Variants in MYO5A observed in about 807,000 individuals in gnomAD.
The protein encoded by MYO5A is unconventional myosin-Va.
A neutral mutation model predicts 249.7 loss-of-function variants in MYO5A; 98 were observed. The observed-to-expected ratio is 0.39, with a 90% CI of 0.33 to 0.46. The LOEUF (loss-of-function observed/expected upper bound fraction) is 0.46. MYO5A is among the 20% of genes least tolerant of loss of function. The pLI, the probability that MYO5A is intolerant of heterozygous loss-of-function variation, is 0.98. For missense variants in MYO5A, 1,696 were observed against 2,308.8 expected, an observed-to-expected ratio of 0.73 and a Z score of 5.44; for synonymous variants, 778 against 810.6, an observed-to-expected ratio of 0.96 and a Z score of 0.68.
chr15:52,524,616 T>C lies in MYO5A; in HGVS notation c.27+4164A>G, dbSNP rs531029444. Among the ~76,000 whole-genome samples the C allele has an allele frequency of 4.0e-5, 6 of 151,846 alleles. No individual in the cohort carries two copies. In the South Asian group the frequency reaches 1.2e-3, roughly 32 times the overall value. On this transcript the variant is annotated intron_variant, in intron 1 of 41. Coordinates refer to ENST00000399233, the MANE Select transcript of MYO5A (RefSeq NM_001382347.1). ...AAAATAGGCTGGGTGTGGTGGCTCATGCCTGTAATCCCACACTATGGGAGG... is the reference window on the plus strand; with the variant it reads ...AAAATAGGCTGGGTGTGGTGGCTCACGCCTGTAATCCCACACTATGGGAGG...
intron 1 of MYO5A, among the ~76,000 whole-genome samples, chr15:52,489,750 G>A (rs925757892): frequency 1.3e-5 from 2 of 152,156 alleles, no homozygotes; most frequent in Non-Finnish European, 2.9e-5. Context: ...CAGCACTTTG[G>A]GAGGCCAAGG....
Position 52,391,630 on chromosome 15 carries a change from C to A in MYO5A, c.1542+300G>T, listed in dbSNP as rs543914312. Among the ~76,000 whole-genome samples, 5 of 152,264 alleles carry A rather than the reference C, an allele frequency of 3.3e-5. No individual in the cohort carries two copies. In the South Asian group the frequency reaches 1.0e-3, roughly 32 times the overall value. On this transcript the variant is annotated intron_variant, in intron 12 of 41. Coordinates refer to ENST00000399233, the MANE Select transcript of MYO5A (RefSeq NM_001382347.1). Reference sequence around the variant, plus strand: ...ACAGTTTCTTGCATTTCTTTAAATTCTATCGCTGACCAAAAAGTACTAAAC... The same window carrying A: ...ACAGTTTCTTGCATTTCTTTAAATTATATCGCTGACCAAAAAGTACTAAAC...
intron 1 of MYO5A, chr15:52,505,812 G>A (rs996836075): frequency 1.4e-5 from 22 of 1,593,870 alleles, no homozygotes; most frequent in African/African-American, 1.1e-4. Flanking sequence ...AGATCACTGC[G>A]TTTGAGGACT....
At chr15:52,454,238 T>C (rs2076075400) in intron 1 of MYO5A, among the ~76,000 whole-genome samples, 1 of 152,086 alleles carries the variant, frequency 6.6e-6, no homozygotes, top group African/African-American at 2.4e-5. Flanking sequence ...TAAAATAGAC[T>C]ACAAGTCAAA....
At position 52,447,789 on chromosome 15, in the gene MYO5A, C is replaced by T. The variant is rs559404179; in HGVS notation, c.28-14504G>A. On this transcript the variant is annotated intron_variant, in intron 1 of 41. Coordinates refer to ENST00000399233, the MANE Select transcript of MYO5A (RefSeq NM_001382347.1). ...TAGGAAAGAGACTGATGGCATTGTG[C>T]CCTTGCTCTAGGGATCTGTGGAACT... is the stretch of plus-strand genomic sequence containing the variant. Among the ~76,000 whole-genome samples, 60 of 152,280 alleles carry T rather than the reference C, an allele frequency of 3.9e-4. 1 individual carries two copies. The South Asian group carries it at 0.012, about 30-fold the overall frequency.
intron 30 of MYO5A, among the ~76,000 whole-genome samples, chr15:52,345,931 T>C (rs1354587253): frequency 6.6e-6 from 1 of 152,202 alleles, no homozygotes; most frequent in Non-Finnish European, 1.5e-5. Context: ...TGGCCAACAC[T>C]GAGTGATTCC....
At chr15:52,323,077 C>T (rs995040885) in intron 37 of MYO5A, among the ~76,000 whole-genome samples, 6 of 152,164 alleles carry the variant, frequency 3.9e-5, no homozygotes, top group Non-Finnish European at 7.3e-5. Context: ...GAAATGCCCA[C>T]TAAAACATAC....
rs2037749296 is a variant in MYO5A at position 52,310,770 on chromosome 15, G to C, written c.*2926C>G. 6.6e-6 allele frequency: 1 copy of C among 152,454 alleles called. No homozygotes were observed. Among genetic ancestry groups the C allele is most frequent in the Admixed American group, 6.5e-5 (1 of 15,280 alleles). 9.4% of individuals were successfully genotyped at this position (152,454 alleles called of 1,614,324 possible). A position where few individuals can be genotyped will look rare whatever the true frequency, so the allele number is the denominator to read the frequency against. ...TGGGTGAGAAAGTGTGGCTGACAGA[G>C]AGAAAGAACCTCAGAGGGAAAGCAA... On this transcript the variant is annotated 3_prime_UTR_variant, in exon 42 of 42. Transcript: ENST00000399233.
At chr15:52,508,840 C>T (rs2077329611) in intron 1 of MYO5A, among the ~76,000 whole-genome samples, 1 of 152,096 alleles carries the variant, frequency 6.6e-6, no homozygotes, top group African/African-American at 2.4e-5. Context: ...AAGATCCTTG[C>T]ATATTTTCAA....
chr15:52,392,822 A>G (rs534390060), intron 11 of MYO5A, among the ~76,000 whole-genome samples: 1 of 152,384 alleles, frequency 6.6e-6, no homozygotes, highest in East Asian at 1.9e-4. Context: ...GACAAGTGGA[A>G]GAAGCGGACA....
intron 32 of MYO5A, among the ~76,000 whole-genome samples, chr15:52,338,473 T>C (rs1274228851): frequency 6.6e-6 from 1 of 152,138 alleles, no homozygotes; most frequent in Non-Finnish European, 1.5e-5. Flanking sequence ...TCAAGAGCAC[T>C]AAGCCCAGGT....
At chr15:52,444,787 ACTAT>A (rs1177186107) in intron 1 of MYO5A, among the ~76,000 whole-genome samples, 5 of 152,198 alleles carry the variant, frequency 3.3e-5, no homozygotes, top group South Asian at 2.1e-4. Context: ...TCCCACATAG[ACTAT>A]CTATCACCCT....
intron 5 of MYO5A, among the ~76,000 whole-genome samples, chr15:52,413,147 CAA>C (rs767059579): frequency 4.1e-4 from 27 of 66,146 alleles, no homozygotes; most frequent in African/African-American, 7.7e-4. Flanking sequence ...AACTCTGTCT[CAA>C]AAAAAAAAAA....
chr15:52,422,120 G>A (rs185728958), intron 4 of MYO5A, among the ~76,000 whole-genome samples: 2 of 152,296 alleles, frequency 1.3e-5, no homozygotes, highest in African/African-American at 4.8e-5. Context: ...AGGCATGGCA[G>A]TCCACTGAGT....
At chr15:52,437,850 G>A (rs1229017139) in intron 1 of MYO5A, among the ~76,000 whole-genome samples, 3 of 152,266 alleles carry the variant, frequency 2.0e-5, no homozygotes, top group Admixed American at 6.5e-5. Flanking sequence ...AGATTTCCAA[G>A]GGCTAGATGT....
chr15:52,359,887 G>A, intron 25 of MYO5A, 81 bp downstream of exon 25: 1 of 966,918 alleles, frequency 1.0e-6, no homozygotes, highest in Non-Finnish European at 1.6e-6. Context: ...GCCAATTGGA[G>A]TCTGCTTTGC....
chr15:52,475,569 G>A (rs1346816044), intron 1 of MYO5A, among the ~76,000 whole-genome samples: 2 of 152,172 alleles, frequency 1.3e-5, no homozygotes, highest in Non-Finnish European at 2.9e-5. Flanking sequence ...ATGTGTCCCA[G>A]AGATTCTGGT....
chr15:52,323,698 C>T (rs535947707), intron 36 of MYO5A: 20 of 391,884 alleles, frequency 5.1e-5, no homozygotes, highest in Non-Finnish European at 8.7e-5. Flanking sequence ...TTAGCTGCTC[C>T]TTTAAGCAGA....
intron 34 of MYO5A, among the ~76,000 whole-genome samples, chr15:52,331,300 T>C (rs773978482): frequency 6.6e-6 from 1 of 152,184 alleles, no homozygotes; most frequent in Non-Finnish European, 1.5e-5. Flanking sequence ...ATAGTCACTA[T>C]TGTCAAGGGC....
Sources: gnomAD v4.1 joint callset for allele counts (sites outside exome capture counted in the v4.1 genomes callset) on GRCh38, gnomAD v4.1.1 for gene constraint, MANE v1.5 for transcripts, NCBI Gene and HGNC (gene_info 2026-07-23, HGNC 2026-07-21) for gene names.